The following ATP6V1E2 variants were observed in gnomAD, a reference collection of about 807,000 sequenced individuals.
The protein encoded by ATP6V1E2 is V-type proton ATPase subunit E 2.
For missense variants in ATP6V1E2, 308 were observed against 273.3 expected, an observed-to-expected ratio of 1.13 and a Z score of -0.90; for synonymous variants, 121 against 104.2, an observed-to-expected ratio of 1.16 and a Z score of -0.98.
intron 4 of ATP6V1E2, among the ~76,000 whole-genome samples, chr2:46,528,979 G>T (rs947912681): frequency 6.6e-6 from 1 of 152,148 alleles, no homozygotes; most frequent in Admixed American, 6.5e-5. Context: ...AGCTGCCTAT[G>T]GAGAAGTTGG....
rs896983706 is a variant in ATP6V1E2 at position 46,524,075 on chromosome 2, G to T, written c.-101-11263C>A. On this transcript the variant is annotated intron_variant, in intron 4 of 4. Transcript: ENST00000522587. ...AGGAATACTTGTGTTTTTGCACATTGATTTTGTATCCTGAGATTTTGCTGA... is the reference window on the plus strand; with the variant it reads ...AGGAATACTTGTGTTTTTGCACATTTATTTTGTATCCTGAGATTTTGCTGA... Among the ~76,000 whole-genome samples the T allele has an allele frequency of 4.6e-5, 7 of 151,200 alleles. No individual in the cohort carries two copies. In the East Asian group the frequency reaches 1.3e-3, roughly 29 times the overall value.
At chr2:46,534,931 T>C (rs1414956535) in intron 4 of ATP6V1E2, 2 of 152,254 alleles carry the variant, frequency 1.3e-5, no homozygotes, top group Non-Finnish European at 2.9e-5. Context: ...ACCTTATGCA[T>C]GTGCAGCTTA....
chr2:46,531,828 T>A (rs1331645952), intron 4 of ATP6V1E2, among the ~76,000 whole-genome samples: 1 of 152,242 alleles, frequency 6.6e-6, no homozygotes, highest in Admixed American at 6.5e-5. Flanking sequence ...GTGATTTATA[T>A]CTTGTTTGGA....
chr2:46,523,603 T>C (rs144070632), intron 4 of ATP6V1E2, among the ~76,000 whole-genome samples: 10 of 152,338 alleles, frequency 6.6e-5, no homozygotes, highest in African/African-American at 2.4e-4. Context: ...TCTGTTTTGG[T>C]ACCAGTACCA....
At chr2:46,536,549 A>C (rs903711928) in intron 3 of ATP6V1E2, 62 bp downstream of exon 3, 1 of 152,388 alleles carries the variant, frequency 6.6e-6, no homozygotes, top group Non-Finnish European at 1.5e-5. Context: ...GGTGGGAAGA[A>C]GCATAACATA....
intron 4 of ATP6V1E2, among the ~76,000 whole-genome samples, chr2:46,532,101 G>A (rs1460343350): frequency 6.6e-6 from 1 of 152,168 alleles, no homozygotes; most frequent in Non-Finnish European, 1.5e-5. Flanking sequence ...ATAAGAAACT[G>A]TTGATCTATC....
At chr2:46,521,475 G>A (rs1666622214) in intron 4 of ATP6V1E2, among the ~76,000 whole-genome samples, 1 of 152,148 alleles carries the variant, frequency 6.6e-6, no homozygotes, top group Admixed American at 6.5e-5. Context: ...CCTACCCCTA[G>A]CCAAAAGGGA....
intron 4 of ATP6V1E2, among the ~76,000 whole-genome samples, chr2:46,532,504 C>T (rs1054517238): frequency 6.6e-6 from 1 of 152,022 alleles, no homozygotes; most frequent in Admixed American, 6.6e-5. Context: ...ATGTATGTGT[C>T]CTTCCAAAAT....
In ATP6V1E2 at chr2:46,512,706, G is replaced by A. The variant is rs763889531; in HGVS notation, c.6C>T (p.Ala2=). M[A]LSDVDVKKQI... ...GCTTTTTCACATCGACATCACTCAG[G>A]GCCATGGCTGCTCTCAGAGGGGACG... is the stretch of plus-strand genomic sequence containing the variant. The change falls in exon 5 of 5, where the codon GCC becomes GCT. Residue 2 remains alanine, a synonymous_variant. Transcript: ENST00000522587. 1 of 1,609,592 alleles carries A rather than the reference G, an allele frequency of 6.2e-7. No individual in the cohort carries two copies. Among genetic ancestry groups the A allele is most frequent in the Non-Finnish European group, 8.5e-7 (1 of 1,178,246 alleles).
chr2:46,512,252 CG>C lies in ATP6V1E2; in HGVS notation c.459del (p.Glu154SerfsTer3). 1.2e-6 allele frequency: 2 copies of C among 1,613,618 alleles called. No individual in the cohort carries two copies. Among genetic ancestry groups the C allele is most frequent in the Non-Finnish European group, 1.7e-6 (2 of 1,179,740 alleles). ...LVEAAVQKAI[P>X]EYMTISQKHV... is the part of the protein sequence containing the mutation. Reference sequence around the variant, plus strand: ...TGTTTCTGGGAAATTGTCATGTACTCGGGGATGGCTTTTTGTACAGCAGCCT... The same window carrying C: ...TGTTTCTGGGAAATTGTCATGTACTCGGGATGGCTTTTTGTACAGCAGCCT... On this transcript the variant is annotated frameshift_variant, in exon 5 of 5. Transcript: ENST00000522587. LOFTEE classifies it low-confidence loss of function (END_TRUNC).
rs1371201767 is a variant in ATP6V1E2 at position 46,527,060 on chromosome 2, GT to G, written c.-102+8752del. On this transcript the variant is annotated intron_variant, in intron 4 of 4. Transcript: ENST00000522587. ...CTTGCTGTTTTCTGGTTTTGTTTTT[GT>G]TTTTTTTCTTTCTTTTGTGTCTTGG... Among the ~76,000 whole-genome samples the G allele has an allele frequency of 2.6e-5, 4 of 151,720 alleles. No individual in the cohort carries two copies. The South Asian group carries it at 6.3e-4, about 24-fold the overall frequency.
intron 3 of ATP6V1E2, among the ~76,000 whole-genome samples, chr2:46,536,142 CAGTT>C (rs1423957478): frequency 1.3e-5 from 2 of 152,152 alleles, no homozygotes; most frequent in Non-Finnish European, 1.5e-5. Flanking sequence ...CAGCAGAAAA[CAGTT>C]AGAAATGAAA....
intron 4 of ATP6V1E2, among the ~76,000 whole-genome samples, chr2:46,525,188 C>A (rs1666835794): frequency 6.6e-6 from 1 of 152,142 alleles, no homozygotes; most frequent in African/African-American, 2.4e-5. Context: ...AAAGCAGGGA[C>A]AGGCGGCCGG....
chr2:46,517,370 G>A (rs1558656932), intron 4 of ATP6V1E2, among the ~76,000 whole-genome samples: 1 of 152,122 alleles, frequency 6.6e-6, no homozygotes, highest in South Asian at 2.1e-4. Flanking sequence ...GGCCTGAAAC[G>A]ATAAAATTCC....
intron 4 of ATP6V1E2, among the ~76,000 whole-genome samples, chr2:46,532,433 T>G (rs1291837998): frequency 1.3e-5 from 2 of 152,168 alleles, no homozygotes; most frequent in Non-Finnish European, 2.9e-5. Context: ...TTATAGTGAT[T>G]GCTCTAGGTT....
intron 4 of ATP6V1E2, among the ~76,000 whole-genome samples, chr2:46,521,264 T>C (rs1319741082): frequency 6.6e-6 from 1 of 152,132 alleles, no homozygotes; most frequent in Non-Finnish European, 1.5e-5. Flanking sequence ...CTTGGGCCCT[T>C]GCCCACATGA....
intron 4 of ATP6V1E2, chr2:46,520,048 G>C (rs972243908): frequency 6.6e-6 from 1 of 152,246 alleles, no homozygotes; most frequent in Non-Finnish European, 1.5e-5. Flanking sequence ...CCAGGATTCT[G>C]AACTGGGGAT....
At chr2:46,516,277 G>T (rs1417671468) in intron 4 of ATP6V1E2, among the ~76,000 whole-genome samples, 2 of 152,166 alleles carry the variant, frequency 1.3e-5, no homozygotes, top group African/African-American at 4.8e-5. Context: ...TCACATGTTA[G>T]GTTATAAAAC....
At chr2:46,541,924 G>T (rs1667797146) in intron 1 of ATP6V1E2, 1 of 152,306 alleles carries the variant, frequency 6.6e-6, no homozygotes, top group African/African-American at 2.4e-5. Flanking sequence ...GGACCGAAAG[G>T]CGACCTCGGA....
Sources: allele counts gnomAD v4.1 joint callset (sites outside exome capture counted in the v4.1 genomes callset), GRCh38; gene constraint gnomAD v4.1.1; transcripts MANE v1.5; gene names NCBI Gene and HGNC (gene_info 2026-07-23, HGNC 2026-07-21).